BLMH: variants seen among roughly 807,000 people sequenced by gnomAD.
BLMH encodes the protein BLM hydrolase.
BLMH carries 32 observed loss-of-function variants against 61.6 expected under a neutral mutation model. That is an observed-to-expected ratio of 0.52 (90% CI 0.39 to 0.70). BLMH has a LOEUF of 0.70. Among genes scored for constraint, BLMH ranks in the 30% least tolerant of loss-of-function variants. BLMH has a pLI of 0.00. For synonymous variants in BLMH, 183 were observed against 193.8 expected (o/e 0.94, Z 0.46); for missense variants, 460 against 555.5 (o/e 0.83, Z 1.73).
At chr17:30,258,281 T>C (rs1907869252) in intron 11 of BLMH, among the ~76,000 whole-genome samples, 2 of 151,788 alleles carry the variant, frequency 1.3e-5, no homozygotes, top group Admixed American at 6.6e-5. Context: ...TGACTGCCAT[T>C]TGAAACAGTG....
At chr17:30,285,759 TG>T (rs2143043995) in intron 5 of BLMH, among the ~76,000 whole-genome samples, 1 of 152,316 alleles carries the variant, frequency 6.6e-6, no homozygotes, top group Non-Finnish European at 1.5e-5. Flanking sequence ...TGTCTGGGCA[TG>T]GGGAAAACAT....
At chr17:30,258,496 T>C (rs1341567833) in intron 11 of BLMH, among the ~76,000 whole-genome samples, 2 of 151,972 alleles carry the variant, frequency 1.3e-5, no homozygotes, top group Non-Finnish European at 2.9e-5. Context: ...GGGTGGAAAA[T>C]GTGGTAGAGA....
chr17:30,285,067 G>A (rs1471695280), intron 6 of BLMH, among the ~76,000 whole-genome samples: 1 of 152,128 alleles, frequency 6.6e-6, no homozygotes, highest in Non-Finnish European at 1.5e-5. Flanking sequence ...CCAAGAGACT[G>A]AGCTCTTTAA....
chr17:30,273,050 C>T (rs1267618948), intron 7 of BLMH, 151 bp from the exon 8 acceptor site: 2 of 814,282 alleles, frequency 2.5e-6, no homozygotes, highest in Middle Eastern at 3.8e-4. Context: ...CAAAGAAACA[C>T]AAGGTGGCAA....
chr17:30,265,424 C>G (rs1037138005), intron 11 of BLMH, among the ~76,000 whole-genome samples: 3 of 152,172 alleles, frequency 2.0e-5, no homozygotes, highest in African/African-American at 7.2e-5. Flanking sequence ...CTCCACACCC[C>G]CTCCTCTACC....
chr17:30,257,907 C>T (rs1325481122), intron 11 of BLMH, among the ~76,000 whole-genome samples: 1 of 152,192 alleles, frequency 6.6e-6, no homozygotes, highest in Non-Finnish European at 1.5e-5. Flanking sequence ...AGGTACCTAA[C>T]TTTGAAACAA....
At chr17:30,252,158 A>G (rs1228893985) in intron 11 of BLMH, 3 of 152,092 alleles carry the variant, frequency 2.0e-5, no homozygotes, top group Non-Finnish European at 4.4e-5. Flanking sequence ...CACTCCCTGA[A>G]AGGGCCCTAG....
chr17:30,260,859 G>A (rs915980040), intron 11 of BLMH, among the ~76,000 whole-genome samples: 3 of 152,036 alleles, frequency 2.0e-5, no homozygotes, highest in Non-Finnish European at 4.4e-5. Flanking sequence ...CTCCAGCCTG[G>A]GTAGACAGAG....
At chr17:30,288,733 G>C (rs1282697657) in intron 3 of BLMH, among the ~76,000 whole-genome samples, 1 of 152,152 alleles carries the variant, frequency 6.6e-6, no homozygotes, top group Non-Finnish European at 1.5e-5. Flanking sequence ...GGGAGGCCAA[G>C]GCAGGCAGAT....
Position 30,291,894 on chromosome 17 carries a change from C to T in BLMH, c.-75G>A, listed in dbSNP as rs147619331. 190 of 1,270,524 alleles carry T rather than the reference C, an allele frequency of 1.5e-4. No individual in the cohort carries two copies. The African/African-American group carries it at 2.7e-3, about 18-fold the overall frequency. 78.7% of individuals were successfully genotyped at this position (1,270,524 alleles called of 1,614,324 possible). A position where few individuals can be genotyped will look rare whatever the true frequency, so the allele number is the denominator to read the frequency against. On this transcript the variant is annotated 5_prime_UTR_variant, in exon 1 of 12. Transcript: ENST00000261714. ...CGAGCGCCGGGATTGCGCTGCGGCT[C>T]GCTGCCTAGGGGGCCCGACCTGTCT...
Position 30,277,097 on chromosome 17 carries a change from T to C in BLMH, c.646-2900A>G, listed in dbSNP as rs191071694. ...AGTTAACTTAGAGAAGAAGTTATGC[T>C]TGCCTGTCATTTTGTTTTGTTCTGT... On this transcript the variant is annotated intron_variant, in intron 6 of 11. Coordinates refer to ENST00000261714, the MANE Select transcript of BLMH (RefSeq NM_000386.4). Among the ~76,000 whole-genome samples the C allele has an allele frequency of 2.0e-3, 301 of 152,354 alleles. 4 individuals are homozygous for C. Among genetic ancestry groups the C allele is most frequent in the Non-Finnish European group, 1.0e-3 (68 of 68,032 alleles).
chr17:30,265,189 A>G (rs1908066804), intron 11 of BLMH, among the ~76,000 whole-genome samples: 1 of 152,224 alleles, frequency 6.6e-6, no homozygotes, highest in East Asian at 1.9e-4. Flanking sequence ...AGCATATTCC[A>G]GGGACAGTCA....
intron 11 of BLMH, among the ~76,000 whole-genome samples, chr17:30,266,563 C>T (rs937010988): frequency 6.6e-6 from 1 of 150,962 alleles, no homozygotes; most frequent in Non-Finnish European, 1.5e-5. Flanking sequence ...AAAGAAAATG[C>T]ATCAAATGCC....
In BLMH at chr17:30,249,115, C is replaced by G. The variant is rs2143018932; in HGVS notation, c.1270G>C (p.Val424Leu). 1 of 1,614,102 alleles carries G rather than the reference C, an allele frequency of 6.2e-7. No homozygotes were observed. Among genetic ancestry groups the G allele is most frequent in the Non-Finnish European group, 8.5e-7 (1 of 1,179,968 alleles). The change falls in exon 12 of 12, where the codon GTG (valine) becomes CTG (leucine). Residue 424 changes from valine (V) to leucine (L), a missense_variant. Coordinates refer to ENST00000261714, the MANE Select transcript of BLMH (RefSeq NM_000386.4). ...WFSEYVYEVV[V>L]DRKHVPEEVL... Reference sequence around the variant, plus strand: ...TCTTCAGGGACATGCTTCCTGTCCACCACCACTTCGTAGACATACTCAGAG... The same window carrying G: ...TCTTCAGGGACATGCTTCCTGTCCAGCACCACTTCGTAGACATACTCAGAG...
intron 11 of BLMH, among the ~76,000 whole-genome samples, chr17:30,265,761 C>CA: frequency 6.6e-6 from 1 of 152,256 alleles, no homozygotes; most frequent in East Asian, 1.9e-4. Flanking sequence ...AAAATGCCCC[C>CA]AGCACACATG....
At chr17:30,285,243 GT>G (rs1908694529) in intron 6 of BLMH, 144 bp downstream of exon 6, 2 of 614,292 alleles carry the variant, frequency 3.3e-6, no homozygotes, top group Non-Finnish European at 5.4e-6. Context: ...TTTAAGCTCA[GT>G]TTTTTCAGTG....
At chr17:30,280,009 G>A (rs972459592) in intron 6 of BLMH, among the ~76,000 whole-genome samples, 2 of 152,126 alleles carry the variant, frequency 1.3e-5, no homozygotes, top group Non-Finnish European at 2.9e-5. Context: ...GACATCAAGT[G>A]AGAGGAAGAA....
At chr17:30,284,591 T>C (rs1908678963) in intron 6 of BLMH, among the ~76,000 whole-genome samples, 1 of 152,250 alleles carries the variant, frequency 6.6e-6, no homozygotes, top group Non-Finnish European at 1.5e-5. Flanking sequence ...ATAGTATTAA[T>C]AATAAAGTTT....
At chr17:30,254,076 C>G (rs1430677023) in intron 11 of BLMH, among the ~76,000 whole-genome samples, 1 of 151,932 alleles carries the variant, frequency 6.6e-6, no homozygotes, top group Non-Finnish European at 1.5e-5. Context: ...TGAAATCCCA[C>G]CAGAAATGTA....
Sources: gnomAD v4.1 joint callset for allele counts (sites outside exome capture counted in the v4.1 genomes callset) on GRCh38, gnomAD v4.1.1 for gene constraint, MANE v1.5 for transcripts, NCBI Gene and HGNC (gene_info 2026-07-23, HGNC 2026-07-21) for gene names.